PPA1: variants seen among roughly 807,000 people sequenced by gnomAD.
PPA1 encodes inorganic pyrophosphatase.
In PPA1, 23 loss-of-function variants were observed where a neutral mutation model predicts 41.8. The observed-to-expected ratio is 0.55, with a 90% confidence interval of 0.40 to 0.78. The LOEUF is 0.78. Ranked by LOEUF, PPA1 falls within the 30% of genes least tolerant of loss-of-function variation. The probability of loss-of-function intolerance (pLI) is 0.00; values close to 1 mark genes in which losing one functional copy is unlikely to be tolerated. For synonymous variants in PPA1, 101 were observed against 116.8 expected, an observed-to-expected ratio of 0.86 and a Z score of 0.87; for missense variants, 320 against 361.6, an observed-to-expected ratio of 0.89 and a Z score of 0.93.
At position 70,209,281 on chromosome 10, in the gene PPA1, T is replaced by C. The variant is rs1455016467; in HGVS notation, c.649A>G (p.Ile217Val). ...TCATGAGTGCTTTTAATAATATCAA[T>C]GGCAAAGTCCTATAATTTGAAGAGG... is the stretch of plus-strand genomic sequence containing the variant. ...NAEFKDKDFA[I>V]DIIKSTHDHW... The change falls in exon 8 of 11, where the codon ATT becomes GTT. Residue 217 changes from isoleucine (I) to valine (V), a missense_variant. By Grantham distance (29) the Ile-to-Val change is conservative. Transcript: ENST00000373232. 22 of 1,586,712 alleles carry C rather than the reference T, an allele frequency of 1.4e-5. No homozygotes were observed. Among genetic ancestry groups the C allele is most frequent in the African/African-American group, 4.0e-5 (3 of 74,108 alleles).
intron 1 of PPA1, among the ~76,000 whole-genome samples, chr10:70,231,481 C>G (rs1452057787): frequency 6.6e-6 from 1 of 152,202 alleles, no homozygotes; most frequent in East Asian, 1.9e-4. Context: ...GCAGGAGAAT[C>G]ACTTGAACCC....
intron 6 of PPA1, among the ~76,000 whole-genome samples, chr10:70,210,633 T>C (rs1018032013): frequency 6.6e-6 from 1 of 152,062 alleles, no homozygotes; most frequent in Non-Finnish European, 1.5e-5. Flanking sequence ...AATAACAAAC[T>C]CCTGCTCAAT....
rs549996621 is a variant in PPA1, at chr10:70,217,863, C to T, written c.246G>A (p.Ala82=). Reference sequence around the variant, plus strand: ...TATATCCTTTATACGGGAACAAATTCGCAACATAGCGAAGTTTTCCTTTTT... The same window carrying T: ...TATATCCTTTATACGGGAACAAATTTGCAACATAGCGAAGTTTTCCTTTTT... ...DVKKGKLRYV[A]NLFPYKGYIW... The change falls in exon 4 of 11, where the codon GCG becomes GCA. Residue 82 remains alanine (A), a synonymous_variant. Coordinates refer to ENST00000373232, the MANE Select transcript of PPA1 (RefSeq NM_021129.4). 4.5e-5 allele frequency: 72 copies of T among 1,605,738 alleles called. No homozygotes were observed. Among genetic ancestry groups the T allele is most frequent in the Non-Finnish European group, 5.9e-5 (69 of 1,174,878 alleles).
intron 5 of PPA1, 45 bp from the exon 6 acceptor site, chr10:70,213,634 C>T: frequency 6.4e-7 from 1 of 1,561,918 alleles, no homozygotes; most frequent in Non-Finnish European, 8.7e-7. Context: ...CAGAACCACA[C>T]TCTAGAAGAC....
In PPA1 at chr10:70,211,684, T is replaced by C. The variant is rs141701956; in HGVS notation, c.511+1779A>G. On this transcript the variant is annotated intron_variant, in intron 6 of 10. Transcript: ENST00000373232. ...AGCCACCCCGAGAAAGTTTTCAGGG[T>C]TCTAATAACCTGAACTGCAGGAAAA... is the stretch of plus-strand genomic sequence containing the variant. 3.0e-3 allele frequency among the ~76,000 whole-genome samples: 453 copies of C among 151,376 alleles called. 2 individuals are homozygous for C. Among genetic ancestry groups the C allele is most frequent in the Middle Eastern group, 6.8e-3 (2 of 294 alleles).
At chr10:70,209,334 A>ACC in intron 7 of PPA1, 44 bp from the exon 8 acceptor site, 1 of 1,463,390 alleles carries the variant, frequency 6.8e-7, no homozygotes, top group Non-Finnish European at 9.4e-7. Context: ...AAAAGGTATT[A>ACC]TTTTCCTATT....
At chr10:70,229,359 G>T (rs953125593) in intron 2 of PPA1, among the ~76,000 whole-genome samples, 5 of 152,144 alleles carry the variant, frequency 3.3e-5, no homozygotes, top group African/African-American at 1.2e-4. Flanking sequence ...TCAAACTCCT[G>T]GACTCAAGTG....
intron 2 of PPA1, among the ~76,000 whole-genome samples, chr10:70,227,650 C>CAAAAAAAAAAAAAAAAAAAAAAAAAAA (rs11382289): frequency 1.3e-5 from 1 of 75,138 alleles, no homozygotes; most frequent in Non-Finnish European, 2.4e-5. Flanking sequence ...AACCCTATCT[C>CAAAAAAAAAAAAAAAAAAAAAAAAAAA]AAAAAAAAAA....
chr10:70,218,880 C>A, intron 2 of PPA1, 63 bp from the exon 3 acceptor site: 1 of 1,202,926 alleles, frequency 8.3e-7, no homozygotes, highest in Non-Finnish European at 1.2e-6. Context: ...AGGGAGCATG[C>A]ACTATTTCTT....
At position 70,213,493 on chromosome 10, in the gene PPA1, C is replaced by T. The variant is rs141014375; in HGVS notation, c.481G>A (p.Val161Met). The T allele has an allele frequency of 8.0e-5, 129 of 1,614,012 alleles. 1 individual carries two copies. In the African/African-American group the frequency reaches 1.6e-3, roughly 20 times the overall value. ...ETDWKVIAIN[V>M]DDPDAANYND... ...TAATTGGCTGCATCAGGATCATCCACATTAATGGCAATGACTTTCCAGTCG... is the reference window on the plus strand; with the variant it reads ...TAATTGGCTGCATCAGGATCATCCATATTAATGGCAATGACTTTCCAGTCG... Residue 161 changes from valine (V) to methionine (M), a missense_variant, in exon 6 of 11, where the codon GTG (valine) becomes ATG (methionine). Physicochemically the swap from Val to Met is conservative, Grantham distance 21. Coordinates refer to ENST00000373232, the MANE Select transcript of PPA1 (RefSeq NM_021129.4).
At chr10:70,218,896 G>T in intron 2 of PPA1, 79 bp from the exon 3 acceptor site, 1 of 999,288 alleles carries the variant, frequency 1.0e-6, no homozygotes, top group Non-Finnish European at 1.6e-6. Flanking sequence ...TTCTTCCAAA[G>T]TCAAACTGTT....
At chr10:70,203,449 T>C (rs540003912) in intron 10 of PPA1, 10 of 363,626 alleles carry the variant, frequency 2.8e-5, no homozygotes, top group South Asian at 6.4e-5. Context: ...CTTGCCCAGA[T>C]TGCAGTGCAG....
intron 8 of PPA1, among the ~76,000 whole-genome samples, chr10:70,207,958 C>T (rs1473010691): frequency 6.6e-6 from 1 of 151,794 alleles, no homozygotes; most frequent in Non-Finnish European, 1.5e-5. Flanking sequence ...TTTGGGAGGC[C>T]GAGGCGGGCA....
rs1839937748 is a variant in PPA1 at position 70,206,257 on chromosome 10, T to A, written c.795+7A>T. 1 of 1,608,024 alleles carries A rather than the reference T, an allele frequency of 6.2e-7. No individual in the cohort carries two copies. The highest frequency in any genetic ancestry group is 2.2e-5 in the East Asian group (1 of 44,830). ...CTTGTTTTTTTTTTAAGGAAACTTT[T>A]ACATACAGCATCCACAATGGCTCTG... On this transcript the variant is annotated splice_region_variant and intron_variant, in intron 9 of 10. Coordinates refer to ENST00000373232, the MANE Select transcript of PPA1 (RefSeq NM_021129.4).
chr10:70,222,335 CAAAAA>C (rs67974203), intron 2 of PPA1, among the ~76,000 whole-genome samples: 4 of 73,162 alleles, frequency 5.5e-5, no homozygotes, highest in African/African-American at 1.8e-4. Context: ...GACTCCGTCT[CAAAAA>C]AAAAAAAAAA....
intron 5 of PPA1, 134 bp downstream of exon 5, chr10:70,214,366 G>A (rs1840054441): frequency 1.4e-6 from 1 of 697,740 alleles, no homozygotes; most frequent in Non-Finnish European, 2.4e-6. Flanking sequence ...AATGCAAGAA[G>A]CCTTTAATAC....
chr10:70,232,582 G>A (rs931787938), intron 1 of PPA1, among the ~76,000 whole-genome samples: 1 of 152,214 alleles, frequency 6.6e-6, no homozygotes, highest in Non-Finnish European at 1.5e-5. Context: ...CACTTTCTCA[G>A]TCTTGTTTCC....
intron 8 of PPA1, among the ~76,000 whole-genome samples, chr10:70,207,706 T>C (rs1466154017): frequency 6.6e-6 from 1 of 152,154 alleles, no homozygotes; most frequent in Non-Finnish European, 1.5e-5. Context: ...TTACATAGTG[T>C]TAAATTTTAA....
Position 70,204,892 on chromosome 10 carries a change from G to T in PPA1, c.819C>A (p.Ala273=). The change falls in exon 10 of 11, where the codon GCC becomes GCA. Residue 273 remains alanine, a synonymous_variant. Coordinates refer to ENST00000373232, the MANE Select transcript of PPA1 (RefSeq NM_021129.4). ...VDALPPPCES[A]CTVPTDVDKW... Reference sequence around the variant, plus strand: ...TCTTACCGTCTGTTGGTACTGTGCAGGCAGATTCACAGGGTGGTGGTAACT... The same window carrying T: ...TCTTACCGTCTGTTGGTACTGTGCATGCAGATTCACAGGGTGGTGGTAACT... The T allele has an allele frequency of 6.3e-7, 1 of 1,597,268 alleles. No individual in the cohort carries two copies. Among genetic ancestry groups the T allele is most frequent in the Non-Finnish European group, 8.6e-7 (1 of 1,168,250 alleles).
Sources: gnomAD v4.1 joint callset for allele counts (sites outside exome capture counted in the v4.1 genomes callset) on GRCh38, gnomAD v4.1.1 for gene constraint, MANE v1.5 for transcripts, NCBI Gene and HGNC (gene_info 2026-07-23, HGNC 2026-07-21) for gene names.